NLRC4: variants seen among roughly 807,000 people sequenced by gnomAD.
NLRC4 encodes NLR family CARD domain containing 4.
A neutral mutation model predicts 79.9 loss-of-function variants in NLRC4; 63 were observed. That is an observed-to-expected ratio of 0.79 (90% CI 0.64 to 0.97). The LOEUF is 0.97. Among genes scored for constraint, NLRC4 ranks in the 50% least tolerant of loss-of-function variants. The pLI is 0.00. For synonymous variants in NLRC4, 461 were observed against 456.5 expected (o/e 1.01, Z -0.12); for missense variants, 1,074 against 1,215.2 (o/e 0.88, Z 1.73).
At chr2:32,255,725 G>A (rs901264316) in intron 2 of NLRC4, among the ~76,000 whole-genome samples, 1 of 151,522 alleles carries the variant, frequency 6.6e-6, no homozygotes, top group African/African-American at 2.4e-5. Flanking sequence ...TCTTAAAATT[G>A]GAAAAGTGGC....
chr2:32,258,139 T>A (rs770996734), intron 1 of NLRC4, among the ~76,000 whole-genome samples: 12 of 151,974 alleles, frequency 7.9e-5, no homozygotes, highest in Non-Finnish European at 1.8e-4. Flanking sequence ...TTCCCCGGAG[T>A]AAGACCGCCA....
At chr2:32,261,077 C>G (rs923043335) in intron 1 of NLRC4, among the ~76,000 whole-genome samples, 2 of 151,224 alleles carry the variant, frequency 1.3e-5, no homozygotes, top group African/African-American at 4.9e-5. Flanking sequence ...CCTGTAGTCC[C>G]AGCTAATCGG....
intron 1 of NLRC4, among the ~76,000 whole-genome samples, chr2:32,257,586 G>C (rs1209088098): frequency 6.9e-6 from 1 of 144,518 alleles, no homozygotes; most frequent in Non-Finnish European, 1.5e-5. Context: ...CAGCCTGGCA[G>C]ACAGAGCGAG....
intron 4 of NLRC4, among the ~76,000 whole-genome samples, chr2:32,245,567 A>G (rs140378655): frequency 3.7e-4 from 56 of 152,300 alleles, no homozygotes; most frequent in African/African-American, 1.3e-3. Context: ...AGCACAACAT[A>G]GTATCTAAGT....
At chr2:32,256,332 A>G (rs1291957952) in intron 2 of NLRC4, among the ~76,000 whole-genome samples, 1 of 152,114 alleles carries the variant, frequency 6.6e-6, no homozygotes, top group Non-Finnish European at 1.5e-5. Context: ...TGAAGTTTAC[A>G]TTTTATTTTA....
intron 1 of NLRC4, among the ~76,000 whole-genome samples, chr2:32,262,046 A>G (rs1375812172): frequency 6.6e-6 from 1 of 152,092 alleles, no homozygotes; most frequent in Non-Finnish European, 1.5e-5. Context: ...GCGCCACTGC[A>G]CTCCAGCCTG....
rs749095005 is a variant in NLRC4 at position 32,235,366 on chromosome 2, A to T, written c.2782+35T>A. Reference sequence around the variant, plus strand: ...AACTTAAGAATTTTTTAAGGGCCAAATCCAGTTATCTTGGCTCTGTATGTG... The same window carrying T: ...AACTTAAGAATTTTTTAAGGGCCAATTCCAGTTATCTTGGCTCTGTATGTG... On this transcript the variant is annotated intron_variant, in intron 8 of 8. Transcript: ENST00000402280. 5.2e-5 allele frequency: 81 copies of T among 1,546,758 alleles called. No individual in the cohort carries two copies. In the South Asian group the frequency reaches 9.0e-4, roughly 17 times the overall value.
At position 32,259,262 on chromosome 2, in the gene NLRC4, A is replaced by ATTTTTTTTTTTTTTTTTTTTTT. The variant is rs57570626; in HGVS notation, c.-118-2391_-118-2370dup. On this transcript the variant is annotated intron_variant, in intron 1 of 8. Coordinates refer to ENST00000402280, the MANE Select transcript of NLRC4 (RefSeq NM_001199138.2). ...AGGTGTGTGCCACCATGCCTGGCTA[A>ATTTTTTTTTTTTTTTTTTTTTT]TTTTTTTTTTTTTTTTTTTTTTTTT... 2.1e-3 allele frequency among the ~76,000 whole-genome samples: 109 copies of ATTTTTTTTTTTTTTTTTTTTTT among 52,890 alleles called. 14 individuals are homozygous for ATTTTTTTTTTTTTTTTTTTTTT. The highest frequency in any genetic ancestry group is 9.1e-3 in the Middle Eastern group (1 of 110). The allele number at this position is 52,890 out of a possible 152,430, so 34.7% of individuals were successfully genotyped here.
chr2:32,265,190 CT>C (rs1039192309), upstream of NLRC4, among the ~76,000 whole-genome samples: 3 of 150,644 alleles, frequency 2.0e-5, no homozygotes, highest in Non-Finnish European at 3.0e-5. Context: ...TTTCTTTTTT[CT>C]TTTTTTTGAG....
intron 4 of NLRC4, among the ~76,000 whole-genome samples, chr2:32,248,721 G>A (rs572104253): frequency 1.3e-4 from 20 of 151,326 alleles, no homozygotes; most frequent in South Asian, 8.4e-4. Context: ...AGCTGTGATC[G>A]CACCACTGCA....
At chr2:32,233,192 GGAAGGGAGGGAGGGAAAGGAA>G (rs1686587014) in intron 8 of NLRC4, among the ~76,000 whole-genome samples, 1 of 92,022 alleles carries the variant, frequency 1.1e-5, no homozygotes, top group South Asian at 4.5e-4. Flanking sequence ...AAGGAAGGAA[GGAAGGGAGGGAGGGAAAGGAA>G]GAAGGAAGGG....
intron 2 of NLRC4, among the ~76,000 whole-genome samples, chr2:32,253,151 C>G (rs927585397): frequency 3.9e-5 from 6 of 151,990 alleles, no homozygotes; most frequent in Non-Finnish European, 5.9e-5. Flanking sequence ...AAATGCTCTG[C>G]CAAGCATTTT....
chr2:32,263,277 C>T (rs2148950141), intron 1 of NLRC4, among the ~76,000 whole-genome samples: 1 of 152,222 alleles, frequency 6.6e-6, no homozygotes, highest in South Asian at 2.1e-4. Flanking sequence ...GGTAAGTATC[C>T]CTAGACATGT....
chr2:32,261,316 C>CCCCTTTTTTTTTTTTTTTTTTTTT lies in NLRC4; in HGVS notation c.-119+3421_-119+3422insAAAAAAAAAAAAAAAAAAAAAGGG. 3.2e-4 allele frequency among the ~76,000 whole-genome samples: 31 copies of CCCCTTTTTTTTTTTTTTTTTTTTT among 96,922 alleles called. 2 individuals are homozygous for CCCCTTTTTTTTTTTTTTTTTTTTT. Among genetic ancestry groups the CCCCTTTTTTTTTTTTTTTTTTTTT allele is most frequent in the Non-Finnish European group, 4.6e-4 (22 of 48,106 alleles). 63.6% of individuals were successfully genotyped at this position (96,922 alleles called of 152,430 possible). On this transcript the variant is annotated intron_variant, in intron 1 of 8. Coordinates refer to ENST00000402280, the MANE Select transcript of NLRC4 (RefSeq NM_001199138.2). The stretch of plus-strand genomic sequence containing the variant: ...TTCTTTCGCCTATTAAGCCTCCCCC[C>CCCCTTTTTTTTTTTTTTTTTTTTT]TTTTGTTTTTTTTTGAGATGGAGCC...
Position 32,238,228 on chromosome 2 carries a change from C to G in NLRC4, c.2425G>C (p.Asp809His). 1 of 1,613,502 alleles carries G rather than the reference C, an allele frequency of 6.2e-7. No individual in the cohort carries two copies. Among genetic ancestry groups the G allele is most frequent in the Non-Finnish European group, 8.5e-7 (1 of 1,179,572 alleles). Reference sequence around the variant, plus strand: ...CTTGACAGAGACTTGACTATGTAATCCATTCCCTCTCCAATGTCAGACAAG... The same window carrying G: ...CTTGACAGAGACTTGACTATGTAATGCATTCCCTCTCCAATGTCAGACAAG... ...THLSDIGEGM[D>H]YIVKSLSSEP... The change falls in exon 6 of 9, where the codon GAT becomes CAT. Residue 809 changes from aspartate to histidine, a missense_variant. Coordinates refer to ENST00000402280, the MANE Select transcript of NLRC4 (RefSeq NM_001199138.2).
At chr2:32,234,434 G>A (rs1339150638) in intron 8 of NLRC4, among the ~76,000 whole-genome samples, 3 of 152,092 alleles carry the variant, frequency 2.0e-5, no homozygotes, top group African/African-American at 2.4e-5. Flanking sequence ...TGTACGTTAC[G>A]TAAACTAAAC....
In NLRC4 at chr2:32,250,167, G is replaced by A. The variant is rs1558456981; in HGVS notation, c.1697C>T (p.Thr566Ile). Reference protein sequence around the residue: ...ECGIHLYQESTSKSALSQEFE... With the variant: ...ECGIHLYQESISKSALSQEFE... ...TTCTTGGCTCAGGGCTGATTTGGAT[G>A]TACTCTCTTGATATAAATGGATGCC... Residue 566 changes from threonine to isoleucine, a missense_variant, in exon 4 of 9, where the codon ACA (threonine) becomes ATA (isoleucine). Physicochemically the swap from Thr to Ile is moderately conservative, Grantham distance 89. Coordinates refer to ENST00000402280, the MANE Select transcript of NLRC4 (RefSeq NM_001199138.2). The surrounding 1 kb of genome is among the most constrained non-coding windows in gnomAD (Gnocchi z 4.9). 3.7e-6 allele frequency: 6 copies of A among 1,614,200 alleles called. No individual in the cohort carries two copies. The highest frequency in any genetic ancestry group is 2.2e-5 in the East Asian group (1 of 44,892).
intron 1 of NLRC4, among the ~76,000 whole-genome samples, chr2:32,257,220 C>T (rs1287308568): frequency 1.3e-5 from 2 of 152,178 alleles, no homozygotes; most frequent in East Asian, 1.9e-4. Flanking sequence ...GCAGAGGGTA[C>T]GTTCTCTCCA....
Position 32,251,503 on chromosome 2 carries a change from C to T in NLRC4, c.361G>A (p.Gly121Ser), listed in dbSNP as rs751113492. The T allele has an allele frequency of 6.2e-7, 1 of 1,613,926 alleles. No individual in the cohort carries two copies. The highest frequency in any genetic ancestry group is 8.5e-7 in the Non-Finnish European group (1 of 1,179,874). ...TPSFLNFYPL[G>S]EDIDIIFNLK... ...TTAAAAATAATGTCAATATCTTCACCAAGGGGATAAAAGTTCAGAAAAGAT... is the reference window on the plus strand; with the variant it reads ...TTAAAAATAATGTCAATATCTTCACTAAGGGGATAAAAGTTCAGAAAAGAT... The change falls in exon 4 of 9, where the codon GGT becomes AGT. Residue 121 changes from glycine (G) to serine (S), a missense_variant. By Grantham distance (56) the Gly-to-Ser change is moderately conservative (BLOSUM62 0). Coordinates refer to ENST00000402280, the MANE Select transcript of NLRC4 (RefSeq NM_001199138.2).
Sources: gnomAD v4.1 joint callset for allele counts (sites outside exome capture counted in the v4.1 genomes callset) on GRCh38, gnomAD v4.1.1 for gene constraint, Gnocchi (gnomAD v3.1) non-coding constraint, MANE v1.5 for transcripts, NCBI Gene and HGNC (gene_info 2026-07-23, HGNC 2026-07-21) for gene names.